Variants in PAQR5 observed in about 807,000 individuals in gnomAD.
The protein encoded by PAQR5 is membrane progestin receptor gamma.
A neutral mutation model predicts 34.5 loss-of-function variants in PAQR5; 20 were observed. That is an observed-to-expected ratio of 0.58 (90% CI 0.41 to 0.84). PAQR5 has a LOEUF of 0.84. PAQR5 is among the 40% of genes least tolerant of loss of function. The pLI is 0.00. For missense variants in PAQR5, 378 were observed against 412.7 expected, an observed-to-expected ratio of 0.92 and a Z score of 0.73; for synonymous variants, 131 against 155.6, an observed-to-expected ratio of 0.84 and a Z score of 1.18.
intron 1 of PAQR5, among the ~76,000 whole-genome samples, chr15:69,331,046 C>T (rs537998966): frequency 2.1e-4 from 32 of 152,278 alleles, no homozygotes; most frequent in African/African-American, 7.0e-4. Flanking sequence ...CAGTGTACAT[C>T]GATCTAATTG....
chr15:69,355,344 T>TTTTCTTTC (rs202183150), intron 2 of PAQR5, among the ~76,000 whole-genome samples: 36 of 56,218 alleles, frequency 6.4e-4, no homozygotes, highest in African/African-American at 2.4e-3. Context: ...TTCTTTCTTT[T>TTTTCTTTC]TTTCTTTCTT....
intron 1 of PAQR5, among the ~76,000 whole-genome samples, chr15:69,303,560 TAA>T (rs112795464): frequency 1.1e-4 from 16 of 141,190 alleles, no homozygotes; most frequent in Admixed American, 1.4e-4. Flanking sequence ...CCAGTGCAAT[TAA>T]AAAAAAAAAA....
intron 1 of PAQR5, among the ~76,000 whole-genome samples, chr15:69,316,818 GTTTA>G (rs372996375): frequency 3.0e-4 from 45 of 152,016 alleles, no homozygotes; most frequent in Admixed American, 1.4e-3. Flanking sequence ...CCCATAAGGG[GTTTA>G]TTTATTTATT....
intron 1 of PAQR5, among the ~76,000 whole-genome samples, chr15:69,307,964 G>T (rs2053755202): frequency 6.6e-6 from 1 of 152,178 alleles, no homozygotes; most frequent in Admixed American, 6.5e-5. Context: ...GGGCCTGGTG[G>T]CTTTAAGGGG....
chr15:69,382,594 G>A (rs1164234947), intron 4 of PAQR5, among the ~76,000 whole-genome samples: 4 of 144,942 alleles, frequency 2.8e-5, no homozygotes, highest in Admixed American at 6.9e-5. Context: ...GCAGAGAGCC[G>A]AGATCGTGCC....
At chr15:69,365,209 C>T (rs140974132) in intron 3 of PAQR5, among the ~76,000 whole-genome samples, 1,779 of 152,022 alleles carry the variant, frequency 0.012, 35 homozygotes, top group African/African-American at 0.041. Context: ...CAGGTTCAAG[C>T]GATTCTCATG....
At chr15:69,363,536 G>GTTTTTTTTTTTTTTTTTTTTTTTT (rs1226447954) in intron 3 of PAQR5, among the ~76,000 whole-genome samples, 2 of 82,002 alleles carry the variant, frequency 2.4e-5, no homozygotes, top group Non-Finnish European at 2.3e-5. Flanking sequence ...TTGCTAATCT[G>GTTTTTTTTTTTTTTTTTTTTTTTT]TTTTTTGTTT....
At chr15:69,344,961 G>T (rs907496514) in intron 2 of PAQR5, among the ~76,000 whole-genome samples, 5 of 152,094 alleles carry the variant, frequency 3.3e-5, no homozygotes, top group African/African-American at 1.2e-4. Context: ...GCTGGACATG[G>T]TGCTGTGCTA....
chr15:69,300,590 C>T (rs12901260), intron 1 of PAQR5, among the ~76,000 whole-genome samples: 6,513 of 41,412 alleles, frequency 0.16, 1,235 homozygotes, highest in Middle Eastern at 0.27. Flanking sequence ...TCTTTCTTTC[C>T]TTCTTTCTTT....
rs1199283857 is a variant in PAQR5, at chr15:69,389,676, A to G, written c.408A>G (p.Ala136=). 1 of 1,614,084 alleles carries G rather than the reference A, an allele frequency of 6.2e-7. No individual in the cohort carries two copies. Among genetic ancestry groups the G allele is most frequent in the African/African-American group, 1.3e-5 (1 of 74,924 alleles). Residue 136 remains alanine, a synonymous_variant, in exon 6 of 9, where the codon GCA becomes GCG. Coordinates refer to ENST00000395407, the MANE Select transcript of PAQR5 (RefSeq NM_017705.4). ...FSLGSAIAYS[A]YTFPDALMCT... ...CAGGCTCAGCCATTGCCTACTCTGC[A>G]TACACGTTCCCGGATGCGCTCATGT... is the stretch of plus-strand genomic sequence containing the variant.
At chr15:69,305,169 G>A (rs990839201) in intron 1 of PAQR5, among the ~76,000 whole-genome samples, 3 of 152,136 alleles carry the variant, frequency 2.0e-5, no homozygotes, top group African/African-American at 4.8e-5. Context: ...CAGTAGCCCT[G>A]GCTTCTACCC....
chr15:69,326,279 G>T (rs1409762094), intron 1 of PAQR5, among the ~76,000 whole-genome samples: 1 of 152,136 alleles, frequency 6.6e-6, no homozygotes, highest in African/African-American at 2.4e-5. Flanking sequence ...GAGTAGTGAG[G>T]CCTCAGCAAA....
In PAQR5 at chr15:69,403,625, C is replaced by A. The variant is rs773405546; in HGVS notation, c.796C>A (p.His266Asn). 2.5e-6 allele frequency: 4 copies of A among 1,614,098 alleles called. No homozygotes were observed. In the South Asian group the frequency reaches 4.4e-5, roughly 18 times the overall value. ...LFHVCVILAT[H>N]MQMEAILLDK... ...TCACGTGTGTGTGATCCTGGCCACGCACATGCAGATGGAAGCCATACTTCT... is the reference window on the plus strand; with the variant it reads ...TCACGTGTGTGTGATCCTGGCCACGAACATGCAGATGGAAGCCATACTTCT... Residue 266 changes from histidine to asparagine, a missense_variant, in exon 9 of 9, where the codon CAC becomes AAC. By Grantham distance (68) the His-to-Asn change is moderately conservative. Transcript: ENST00000395407.
chr15:69,319,844 A>G (rs1343211634), intron 1 of PAQR5, among the ~76,000 whole-genome samples: 1 of 152,164 alleles, frequency 6.6e-6, no homozygotes, highest in Admixed American at 6.5e-5. Flanking sequence ...CAGCGGTTGC[A>G]TGGCCTCCTC....
rs1485216879 is a variant in PAQR5 at position 69,308,619 on chromosome 15, C to T, written c.-277+9563C>T. On this transcript the variant is annotated intron_variant, in intron 1 of 8. Coordinates refer to ENST00000395407, the MANE Select transcript of PAQR5 (RefSeq NM_017705.4). ...CCAAATGTCCACTGGGGAGCAAAAC[C>T]ATCCCCAATGAGATCCATTGGTCTA... Among the ~76,000 whole-genome samples the T allele has an allele frequency of 2.6e-5, 4 of 152,092 alleles. 1 individual carries two copies. Among genetic ancestry groups the T allele is most frequent in the Admixed American group, 2.6e-4 (4 of 15,266 alleles).
intron 4 of PAQR5, among the ~76,000 whole-genome samples, chr15:69,381,408 G>A (rs921208436): frequency 2.0e-5 from 3 of 152,282 alleles, no homozygotes; most frequent in South Asian, 4.1e-4. Flanking sequence ...CATGTCTCCT[G>A]GACTTTGGAA....
intron 1 of PAQR5, among the ~76,000 whole-genome samples, chr15:69,321,227 C>T (rs12907451): frequency 0.47 from 72,114 of 152,116 alleles, 20,439 homozygotes; most frequent in Middle Eastern, 0.63. Context: ...CTGAGTAGGA[C>T]TCAAAAGACA....
intron 1 of PAQR5, among the ~76,000 whole-genome samples, chr15:69,327,292 C>T (rs1282434023): frequency 2.0e-5 from 3 of 152,184 alleles, no homozygotes; most frequent in Non-Finnish European, 4.4e-5. Context: ...GCGCCCACCA[C>T]ATGCGGATTG....
Position 69,345,605 on chromosome 15 carries a change from G to A in PAQR5, c.-116+8104G>A, listed in dbSNP as rs576399057. On this transcript the variant is annotated intron_variant, in intron 2 of 8. Transcript: ENST00000395407. ...GGGTGATTTTGCTGTTGATTTGCCT[G>A]TTTTGTTTTCTTTTTTAAGGCTATT... Among the ~76,000 whole-genome samples the A allele has an allele frequency of 3.9e-5, 6 of 152,288 alleles. No homozygotes were observed. In the South Asian group the frequency reaches 1.2e-3, roughly 32 times the overall value.
Sources: gnomAD v4.1 joint callset for allele counts (sites outside exome capture counted in the v4.1 genomes callset) on GRCh38, gnomAD v4.1.1 for gene constraint, MANE v1.5 for transcripts, NCBI Gene and HGNC (gene_info 2026-07-23, HGNC 2026-07-21) for gene names.